The following DPH6 variants were observed in gnomAD, a reference collection of about 807,000 sequenced individuals.
DPH6 encodes the protein diphthine--ammonia ligase.
A neutral mutation model predicts 38.2 loss-of-function variants in DPH6; 33 were observed. The observed-to-expected ratio is 0.86, with a 90% CI of 0.65 to 1.15. The LOEUF (loss-of-function observed/expected upper bound fraction) is 1.15. DPH6 is among the 50% of genes most tolerant of loss of function. DPH6 has a pLI of 0.00. For synonymous variants in DPH6, 108 were observed against 103.0 expected, an observed-to-expected ratio of 1.05 and a Z score of -0.30; for missense variants, 325 against 320.0, an observed-to-expected ratio of 1.02 and a Z score of -0.12.
intron 3 of DPH6, among the ~76,000 whole-genome samples, chr15:35,338,549 T>C (rs1854527715): frequency 2.0e-5 from 3 of 152,074 alleles, no homozygotes; most frequent in Non-Finnish European, 2.9e-5. Flanking sequence ...CTGGAGAGGA[T>C]GTGGAGAAAT....
intron 3 of DPH6, among the ~76,000 whole-genome samples, chr15:35,245,401 G>C (rs1237956341): frequency 6.6e-6 from 1 of 151,906 alleles, no homozygotes; most frequent in African/African-American, 2.4e-5. Flanking sequence ...ACCATGCCCG[G>C]ATAATTTTTT....
intron 5 of DPH6, among the ~76,000 whole-genome samples, chr15:35,441,667 G>A (rs1369868508): frequency 6.6e-6 from 1 of 152,148 alleles, no homozygotes; most frequent in Admixed American, 6.5e-5. Context: ...CTGGCGGGTG[G>A]GGGGTTAGGG....
chr15:35,522,156 G>GT (rs764000791), intron 3 of DPH6: 2 of 1,613,344 alleles, frequency 1.2e-6, no homozygotes, highest in Non-Finnish European at 1.7e-6. Flanking sequence ...CAAACTTGCT[G>GT]TGAGTGCACA....
intron 5 of DPH6, among the ~76,000 whole-genome samples, chr15:35,428,197 G>T (rs376812898): frequency 1.3e-5 from 2 of 151,984 alleles, no homozygotes; most frequent in African/African-American, 4.8e-5. Flanking sequence ...GTATTTAAAT[G>T]AGGGCTGTCT....
chr15:35,540,018 C>T (rs2055229273), intron 2 of DPH6, among the ~76,000 whole-genome samples: 1 of 152,080 alleles, frequency 6.6e-6, no homozygotes, highest in African/African-American at 2.4e-5. Context: ...TCTTTAAATA[C>T]ATTCATTTTA....
chr15:35,436,989 A>G (rs1411998144), intron 5 of DPH6, among the ~76,000 whole-genome samples: 1 of 150,638 alleles, frequency 6.6e-6, no homozygotes, highest in Non-Finnish European at 1.5e-5. Context: ...CTCGAAGGCT[A>G]CTAACAGCAG....
rs141153901 is a variant in DPH6 at position 35,495,778 on chromosome 15, A to C, written c.313-40958T>G. Among the ~76,000 whole-genome samples, 965 of 152,320 alleles carry C rather than the reference A, an allele frequency of 6.3e-3. 20 individuals are homozygous for C. Among genetic ancestry groups the C allele is most frequent in the East Asian group, 0.052 (270 of 5,186 alleles). On this transcript the variant is annotated intron_variant, in intron 3 of 8. Coordinates refer to ENST00000256538, the MANE Select transcript of DPH6 (RefSeq NM_080650.4). ...CACTCTTAAAAAGGAATTACATTGG[A>C]GAAATTACACTACCAGACAGCAAGA...
rs781240196 is a variant in DPH6 at position 35,278,863 on chromosome 15, C to T, written n.201-58281G>A. On this transcript the variant is annotated intron_variant and non_coding_transcript_variant, in intron 3 of 3. Coordinates refer to the DPH6 transcript ENST00000560386. ...AGAAAATTGAGACCATCCTGACTAA[C>T]GTGGTGAAACCCAGTCTCTACTAAA... Among the ~76,000 whole-genome samples the T allele has an allele frequency of 5.3e-5, 8 of 152,078 alleles. No homozygotes were observed. The South Asian group carries it at 6.2e-4, about 12-fold the overall frequency.
intron 3 of DPH6, among the ~76,000 whole-genome samples, chr15:35,500,383 CCAAGTCAATTTAATT>C (rs1196530698): frequency 1.3e-5 from 2 of 152,132 alleles, no homozygotes; most frequent in African/African-American, 4.8e-5. Flanking sequence ...TCAATATGAT[CCAAGTCAATTTAATT>C]TGACATTCAC....
the DPH6 span, among the ~76,000 whole-genome samples, chr15:35,193,168 T>C: frequency 6.6e-6 from 1 of 152,274 alleles, no homozygotes; most frequent in East Asian, 1.9e-4. Context: ...AAAATTAATA[T>C]CTGAATACTG....
At chr15:35,200,079 A>C in the DPH6 span, among the ~76,000 whole-genome samples, 6,181 of 152,236 alleles carry the variant, frequency 0.041, 134 homozygotes, top group Middle Eastern at 0.051. Context: ...AATAATAATA[A>C]GAAATAAACC....
intron 3 of DPH6, among the ~76,000 whole-genome samples, chr15:35,339,536 G>A (rs1267972896): frequency 6.6e-6 from 1 of 151,930 alleles, no homozygotes; most frequent in Non-Finnish European, 1.5e-5. Flanking sequence ...TGTTGGCCAG[G>A]CTCGTCTCGA....
intron 5 of DPH6, among the ~76,000 whole-genome samples, chr15:35,415,301 C>G (rs1265101630): frequency 6.6e-6 from 1 of 151,820 alleles, no homozygotes; most frequent in Non-Finnish European, 1.5e-5. Context: ...AGCATTAGGG[C>G]ATCATTTAAA....
chr15:35,161,562 A>G, the DPH6 span, among the ~76,000 whole-genome samples: 1 of 151,912 alleles, frequency 6.6e-6, no homozygotes. Flanking sequence ...CTAATCTCCA[A>G]TGTGATGGTA....
chr15:35,242,481 G>A (rs146248337), intron 3 of DPH6, among the ~76,000 whole-genome samples: 2 of 143,018 alleles, frequency 1.4e-5, no homozygotes, highest in Non-Finnish European at 3.1e-5. Flanking sequence ...AGAAGGCCAC[G>A]GCAGTCAGTT....
chr15:35,505,960 T>A (rs2054688638), intron 3 of DPH6, among the ~76,000 whole-genome samples: 1 of 152,082 alleles, frequency 6.6e-6, no homozygotes, highest in Non-Finnish European at 1.5e-5. Context: ...AATTTTATAC[T>A]CTAAAGAGAA....
chr15:35,510,530 T>A (rs2054755308), intron 3 of DPH6, among the ~76,000 whole-genome samples: 1 of 152,216 alleles, frequency 6.6e-6, no homozygotes, highest in African/African-American at 2.4e-5. Flanking sequence ...CAGTTGTCCA[T>A]GATTCTTCTA....
At chr15:35,373,091 C>T (rs558065011) in intron 8 of DPH6, among the ~76,000 whole-genome samples, 81 of 151,874 alleles carry the variant, frequency 5.3e-4, no homozygotes, top group African/African-American at 1.9e-3. Flanking sequence ...ATTTTTACTT[C>T]TCTTTTCCTG....
chr15:35,449,027 T>C (rs2053895195), intron 5 of DPH6, among the ~76,000 whole-genome samples: 1 of 150,984 alleles, frequency 6.6e-6, no homozygotes, highest in African/African-American at 2.4e-5. Flanking sequence ...TCCCTTTTTT[T>C]TGGCTTAAAT....
Sources: allele counts gnomAD v4.1 joint callset (sites outside exome capture counted in the v4.1 genomes callset), GRCh38; gene constraint gnomAD v4.1.1; transcripts MANE v1.5; gene names NCBI Gene and HGNC (gene_info 2026-07-23, HGNC 2026-07-21).